PTCHD4: variants seen among roughly 807,000 people sequenced by gnomAD.
The protein encoded by PTCHD4 is patched domain-containing protein 4.
Under a neutral mutation model 58.1 loss-of-function variants are expected in PTCHD4, and 33 were observed. The ratio of observed to expected loss-of-function variants is 0.57; its 90% CI spans 0.43 to 0.76. The LOEUF (loss-of-function observed/expected upper bound fraction) is 0.76, where lower values mean the gene tolerates loss of function less well. PTCHD4 is among the 30% of genes least tolerant of loss of function. PTCHD4 has a pLI of 0.00. For synonymous variants in PTCHD4, 478 were observed against 409.6 expected (o/e 1.17, Z -2.02); for missense variants, 1,058 against 1,027.1 (o/e 1.03, Z -0.41).
chr6:48,011,103 A>T (rs1384306973), intron 3 of PTCHD4, among the ~76,000 whole-genome samples: 1 of 152,152 alleles, frequency 6.6e-6, no homozygotes, highest in East Asian at 1.9e-4. Flanking sequence ...CAGCAATGGG[A>T]TTGCTTGGTC....
intron 4 of PTCHD4, among the ~76,000 whole-genome samples, chr6:47,894,162 T>C (rs1764461237): frequency 6.6e-6 from 1 of 152,176 alleles, no homozygotes; most frequent in Non-Finnish European, 1.5e-5. Flanking sequence ...TCAATTGAAC[T>C]TATTCCTGAT....
intron 4 of PTCHD4, among the ~76,000 whole-genome samples, chr6:47,916,048 G>A (rs1433967312): frequency 2.6e-5 from 4 of 152,108 alleles, no homozygotes; most frequent in Non-Finnish European, 5.9e-5. Flanking sequence ...ATGCCCTGAA[G>A]CTGTGAGTGT....
chr6:47,989,494 G>A (rs962117094), intron 4 of PTCHD4, among the ~76,000 whole-genome samples: 1 of 152,188 alleles, frequency 6.6e-6, no homozygotes, highest in Admixed American at 6.5e-5. Flanking sequence ...CGTGGATGGA[G>A]TCCAGGGTCC....
At chr6:47,926,806 G>C (rs1413442268) in intron 4 of PTCHD4, among the ~76,000 whole-genome samples, 1 of 152,166 alleles carries the variant, frequency 6.6e-6, no homozygotes, top group African/African-American at 2.4e-5. Context: ...TGCCTTCAGG[G>C]TAGATGTGAG....
chr6:48,093,936 T>C (rs1324242711), intron 1 of PTCHD4, among the ~76,000 whole-genome samples: 2 of 152,212 alleles, frequency 1.3e-5, no homozygotes, highest in Non-Finnish European at 2.9e-5. Flanking sequence ...AGCTGTCATT[T>C]GAGAGCTTGC....
intron 1 of PTCHD4, among the ~76,000 whole-genome samples, chr6:48,091,375 T>C (rs1020078696): frequency 2.6e-5 from 4 of 152,034 alleles, no homozygotes; most frequent in Non-Finnish European, 4.4e-5. Context: ...ATCAAATACA[T>C]GGGAGCTTGT....
intron 1 of PTCHD4, among the ~76,000 whole-genome samples, chr6:48,093,838 C>T (rs1325965170): frequency 6.6e-6 from 1 of 152,184 alleles, no homozygotes; most frequent in Non-Finnish European, 1.5e-5. Context: ...GCTTTTACAT[C>T]TCCTTTGAGA....
intron 4 of PTCHD4, among the ~76,000 whole-genome samples, chr6:47,933,323 C>A (rs775296006): frequency 6.6e-6 from 1 of 152,220 alleles, no homozygotes; most frequent in African/African-American, 2.4e-5. Context: ...ATAGTCATTA[C>A]TGGATATTCT....
intron 4 of PTCHD4, among the ~76,000 whole-genome samples, chr6:47,996,318 T>C (rs1768484642): frequency 6.6e-6 from 1 of 152,018 alleles, no homozygotes; most frequent in South Asian, 2.1e-4. Context: ...TTAATAAAAA[T>C]TCAAAAATTA....
chr6:48,037,496 G>C (rs1763682241), intron 3 of PTCHD4, among the ~76,000 whole-genome samples: 1 of 152,140 alleles, frequency 6.6e-6, no homozygotes. Context: ...TATTAGAAAG[G>C]AAGTATGCAC....
intron 4 of PTCHD4, among the ~76,000 whole-genome samples, chr6:47,939,787 G>A (rs1392461669): frequency 3.9e-5 from 6 of 152,042 alleles, no homozygotes; most frequent in East Asian, 1.9e-4. Context: ...TAATCTCACC[G>A]CAGTTTTACC....
rs1763574392 is a variant in PTCHD4 at position 47,866,788 on chromosome 6, C to G, written c.*11515G>C. ...AATCAGTTAGGTTTATGCTTAAAAA[C>G]TAAGTGCATATGTACCTTATGTGAT... On this transcript the variant is annotated 3_prime_UTR_variant, in exon 5 of 5. Coordinates refer to ENST00000339488, the MANE Select transcript of PTCHD4 (RefSeq NM_001384253.1). 6.6e-6 allele frequency among the ~76,000 whole-genome samples: 1 copy of G among 151,776 alleles called. No individual in the cohort carries two copies. The highest frequency in any genetic ancestry group is 2.4e-5 in the African/African-American group (1 of 41,372).
chr6:47,910,416 T>A (rs1175602704), intron 4 of PTCHD4, among the ~76,000 whole-genome samples: 2 of 152,140 alleles, frequency 1.3e-5, no homozygotes, highest in African/African-American at 4.8e-5. Context: ...TTTCTGTTCA[T>A]AAAATTAGAG....
At chr6:48,054,014 G>A (rs560403825) in intron 3 of PTCHD4, among the ~76,000 whole-genome samples, 1 of 152,180 alleles carries the variant, frequency 6.6e-6, no homozygotes, top group South Asian at 2.1e-4. Flanking sequence ...AAGATAGGGG[G>A]ATCTTTCTTC....
At chr6:47,982,756 G>A (rs1767932047) in intron 4 of PTCHD4, among the ~76,000 whole-genome samples, 2 of 152,182 alleles carry the variant, frequency 1.3e-5, no homozygotes, top group East Asian at 1.9e-4. Context: ...CAAAGTGCTG[G>A]GATTAAAGGC....
rs767270699 is a variant in PTCHD4 at position 47,879,624 on chromosome 6, C to G, written c.1211G>C (p.Cys404Ser). 3.7e-6 allele frequency: 6 copies of G among 1,613,684 alleles called. No homozygotes were observed. Among genetic ancestry groups the G allele is most frequent in the Non-Finnish European group, 5.1e-6 (6 of 1,179,754 alleles). The change falls in exon 5 of 5, where the codon TGT becomes TCT. Residue 404 changes from cysteine (C) to serine (S), a missense_variant. Physicochemically the swap from Cys to Ser is moderately radical, Grantham distance 112. Transcript: ENST00000339488. ...EQNRYHSIFC[C>S]KIPSAEYLDR... is the part of the protein sequence containing the mutation. Reference sequence around the variant, plus strand: ...CAGGTATTCTGCAGAAGGGATCTTACAGCAAAAGATGCTGTGGTAGCGGTT... The same window carrying G: ...CAGGTATTCTGCAGAAGGGATCTTAGAGCAAAAGATGCTGTGGTAGCGGTT...
intron 3 of PTCHD4, among the ~76,000 whole-genome samples, chr6:48,018,913 T>G (rs1246688580): frequency 6.6e-6 from 1 of 152,160 alleles, no homozygotes; most frequent in Non-Finnish European, 1.5e-5. Flanking sequence ...AGTAGAAAGA[T>G]TAAAAGTCCT....
intron 3 of PTCHD4, among the ~76,000 whole-genome samples, chr6:48,051,167 T>A (rs1180900458): frequency 2.0e-5 from 3 of 151,930 alleles, no homozygotes; most frequent in Admixed American, 6.6e-5. Flanking sequence ...AGATTTAATA[T>A]GACCTTTTAT....
At chr6:48,024,954 A>T (rs576276303) in intron 3 of PTCHD4, among the ~76,000 whole-genome samples, 2 of 152,326 alleles carry the variant, frequency 1.3e-5, no homozygotes, top group South Asian at 4.1e-4. Flanking sequence ...ATGATTCTAC[A>T]TCACACGGTT....
Sources: allele counts gnomAD v4.1 joint callset (sites outside exome capture counted in the v4.1 genomes callset), GRCh38; gene constraint gnomAD v4.1.1; transcripts MANE v1.5; gene names NCBI Gene and HGNC (gene_info 2026-07-23, HGNC 2026-07-21).